Variants in NFIB observed in about 807,000 individuals in gnomAD.
The protein encoded by NFIB is nuclear factor 1 B-type.
A neutral mutation model predicts 61.5 loss-of-function variants in NFIB; 11 were observed. The ratio of observed to expected loss-of-function variants is 0.18; its 90% confidence interval spans 0.11 to 0.30. The LOEUF is 0.30. NFIB is among the 10% of genes least tolerant of loss of function. The pLI is 1.00. For synonymous variants in NFIB, 260 were observed against 216.5 expected (o/e 1.20, Z -1.76); for missense variants, 471 against 608.9 (o/e 0.77, Z 2.38).
At chr9:14,353,508 G>A (rs1309815804) in intron 1 of NFIB, among the ~76,000 whole-genome samples, 3 of 152,208 alleles carry the variant, frequency 2.0e-5, no homozygotes, top group African/African-American at 7.2e-5. Flanking sequence ...GGAGGAAGCA[G>A]AAAATGGCTT....
chr9:14,208,637 A>C (rs977942131), intron 2 of NFIB, among the ~76,000 whole-genome samples: 21 of 151,714 alleles, frequency 1.4e-4, no homozygotes, highest in African/African-American at 4.4e-4. Flanking sequence ...TATTCCAATG[A>C]CCATAATATG....
At chr9:14,467,234 G>A in the NFIB span, among the ~76,000 whole-genome samples, 6 of 152,142 alleles carry the variant, frequency 3.9e-5, no homozygotes, top group South Asian at 2.1e-4. Context: ...AGGCTATTCC[G>A]TGCTAAAGAG....
intron 1 of NFIB, among the ~76,000 whole-genome samples, chr9:14,352,986 A>G (rs1427680004): frequency 1.3e-5 from 2 of 152,202 alleles, no homozygotes; most frequent in Non-Finnish European, 2.9e-5. Context: ...CTTTGGAATC[A>G]GGAGACTTTG....
chr9:14,346,297 C>CCG (rs2061021158), intron 1 of NFIB, among the ~76,000 whole-genome samples: 2 of 143,642 alleles, frequency 1.4e-5, no homozygotes, highest in African/African-American at 4.9e-5. Context: ...GACACCCCCC[C>CCG]CCCGTAACCT....
At chr9:14,127,430 A>T (rs2039814507) in intron 6 of NFIB, among the ~76,000 whole-genome samples, 1 of 152,228 alleles carries the variant, frequency 6.6e-6, no homozygotes, top group Admixed American at 6.5e-5. Context: ...GGCAATGATC[A>T]ACTCATAACA....
the NFIB span, among the ~76,000 whole-genome samples, chr9:14,409,230 T>C: frequency 6.6e-6 from 1 of 152,200 alleles, no homozygotes; most frequent in Non-Finnish European, 1.5e-5. Flanking sequence ...TTGCTTTTCA[T>C]ATAATTTATT....
intron 1 of NFIB, among the ~76,000 whole-genome samples, chr9:14,369,790 C>T (rs1303643384): frequency 6.6e-6 from 1 of 152,198 alleles, no homozygotes; most frequent in Non-Finnish European, 1.5e-5. Context: ...TTCAGTACTT[C>T]ACCATCTTTG....
At chr9:14,342,029 A>T (rs2060957528) in intron 1 of NFIB, among the ~76,000 whole-genome samples, 1 of 151,874 alleles carries the variant, frequency 6.6e-6, no homozygotes, top group Middle Eastern at 3.2e-3. Context: ...TCAGGACAAT[A>T]GTTCATTGGA....
At chr9:14,262,103 A>C (rs1164925326) in intron 2 of NFIB, among the ~76,000 whole-genome samples, 1 of 152,096 alleles carries the variant, frequency 6.6e-6, no homozygotes, top group African/African-American at 2.4e-5. Flanking sequence ...CAGGGCACTA[A>C]GATGCACTGC....
chr9:14,177,152 A>C (rs2046281653), intron 3 of NFIB, among the ~76,000 whole-genome samples: 1 of 152,192 alleles, frequency 6.6e-6, no homozygotes, highest in Admixed American at 6.5e-5. Context: ...ATTTTCTCAT[A>C]CATGGATCGT....
chr9:14,498,442 A>G, the NFIB span, among the ~76,000 whole-genome samples: 1 of 152,234 alleles, frequency 6.6e-6, no homozygotes, highest in African/African-American at 2.4e-5. Context: ...AACAAAGACT[A>G]GCAGAACACT....
At chr9:14,317,840 A>G (rs1374414819), upstream of NFIB, among the ~76,000 whole-genome samples, 1 of 152,168 alleles carries the variant, frequency 6.6e-6, no homozygotes, top group Non-Finnish European at 1.5e-5. Flanking sequence ...GAAAATCTCA[A>G]TCTTTTAAAT....
At position 14,313,343 on chromosome 9, in the gene NFIB, C is replaced by T. The variant is rs1279103152; in HGVS notation, c.30+139G>A. The T allele has an allele frequency of 4.1e-6, 5 of 1,224,048 alleles. No homozygotes were observed. The highest frequency in any genetic ancestry group is 1.5e-5 in the South Asian group (1 of 64,846). 75.8% of individuals were successfully genotyped at this position (1,224,048 alleles called of 1,614,324 possible). On this transcript the variant is annotated intron_variant, in intron 1 of 10. Coordinates refer to ENST00000380953, the MANE Select transcript of NFIB (RefSeq NM_001190737.2). This position sits in a 1 kb window ranked among gnomAD's most constrained non-coding sequence, Gnocchi z 4.5. Reference sequence around the variant, plus strand: ...CCGGCTCCCACGCCGCCCCGCGACGCCCGCTGCAACTCCGGGCCACTTCTC... The same window carrying T: ...CCGGCTCCCACGCCGCCCCGCGACGTCCGCTGCAACTCCGGGCCACTTCTC...
intron 5 of NFIB, among the ~76,000 whole-genome samples, chr9:14,148,872 A>T (rs1167292722): frequency 6.6e-6 from 1 of 152,160 alleles, no homozygotes; most frequent in Non-Finnish European, 1.5e-5. Context: ...TTACATTTTA[A>T]CTCTCTTTTA....
intron 2 of NFIB, among the ~76,000 whole-genome samples, chr9:14,293,724 A>C (rs1318445589): frequency 3.3e-5 from 5 of 152,170 alleles, no homozygotes; most frequent in African/African-American, 1.2e-4. Context: ...AGATACCAAG[A>C]GCCACAAGTT....
At chr9:14,291,828 C>G (rs1027736452) in intron 2 of NFIB, among the ~76,000 whole-genome samples, 3 of 151,018 alleles carry the variant, frequency 2.0e-5, no homozygotes, top group Non-Finnish European at 3.0e-5. Context: ...TTTCTTATAA[C>G]AAATCTCAAT....
the NFIB span, among the ~76,000 whole-genome samples, chr9:14,477,524 C>T: frequency 6.6e-6 from 1 of 152,052 alleles, no homozygotes; most frequent in African/African-American, 2.4e-5. Context: ...GGAGTAATTC[C>T]TCATGGTATG....
the NFIB span, among the ~76,000 whole-genome samples, chr9:14,491,645 T>C: frequency 6.6e-6 from 1 of 152,208 alleles, no homozygotes; most frequent in Non-Finnish European, 1.5e-5. Context: ...AGTAAGATGA[T>C]CTAGAAGTTT....
At chr9:14,199,480 C>G (rs924422827) in intron 2 of NFIB, among the ~76,000 whole-genome samples, 2 of 152,320 alleles carry the variant, frequency 1.3e-5, no homozygotes, top group East Asian at 3.9e-4. Context: ...CAGGATCCTC[C>G]TTTACTTTCA....
Sources: gnomAD v4.1 joint callset for allele counts (sites outside exome capture counted in the v4.1 genomes callset) on GRCh38, gnomAD v4.1.1 for gene constraint, Gnocchi (gnomAD v3.1) non-coding constraint, MANE v1.5 for transcripts, NCBI Gene and HGNC (gene_info 2026-07-23, HGNC 2026-07-21) for gene names.